PDS5A: variants seen among roughly 807,000 people sequenced by gnomAD.
The protein encoded by PDS5A is PDS5 cohesin associated factor A.
In PDS5A, 42 loss-of-function variants were observed where a neutral mutation model predicts 167.1. That is an observed-to-expected ratio of 0.25 (90% CI 0.20 to 0.33). The LOEUF (loss-of-function observed/expected upper bound fraction) is 0.33. Ranked by LOEUF, PDS5A falls within the 10% of genes least tolerant of loss-of-function variation. PDS5A has a pLI of 1.00. For missense variants in PDS5A, 1,033 were observed against 1,605.9 expected (o/e 0.64, Z 6.10); for synonymous variants, 553 against 554.6 (o/e 1.00, Z 0.04).
intron 17 of PDS5A, among the ~76,000 whole-genome samples, chr4:39,883,478 G>A (rs1413969652): frequency 6.6e-6 from 1 of 152,196 alleles, no homozygotes; most frequent in Non-Finnish European, 1.5e-5. Context: ...ACCACACCCA[G>A]CCTTCAGCTA....
chr4:39,898,640 C>T (rs1722623166), intron 15 of PDS5A, 112 bp from the exon 16 acceptor site: 11 of 931,888 alleles, frequency 1.2e-5, no homozygotes, highest in Non-Finnish European at 1.7e-5. Context: ...GAAAATCAGC[C>T]TAGCTGGTTC....
At chr4:39,901,254 T>C (rs1722854937) in intron 13 of PDS5A, among the ~76,000 whole-genome samples, 1 of 144,416 alleles carries the variant, frequency 6.9e-6, no homozygotes, top group Non-Finnish European at 1.5e-5. Flanking sequence ...ACAGTCTTTT[T>C]TTCTTTTCTT....
At chr4:39,871,598 C>T (rs1720034775) in intron 21 of PDS5A, among the ~76,000 whole-genome samples, 1 of 152,180 alleles carries the variant, frequency 6.6e-6, no homozygotes, top group Non-Finnish European at 1.5e-5. Context: ...TTGTGGCAAA[C>T]TAACACTTAA....
intron 32 of PDS5A, among the ~76,000 whole-genome samples, chr4:39,834,390 A>G (rs1706334856): frequency 6.6e-6 from 1 of 152,168 alleles, no homozygotes; most frequent in African/African-American, 2.4e-5. Flanking sequence ...TAGCAGAAAA[A>G]TGCCTGGGAA....
At chr4:39,917,395 A>G (rs1465995366) in intron 7 of PDS5A, among the ~76,000 whole-genome samples, 1 of 152,210 alleles carries the variant, frequency 6.6e-6, no homozygotes, top group Non-Finnish European at 1.5e-5. Context: ...ATATCAAATC[A>G]TGAATGTTAC....
intron 32 of PDS5A, among the ~76,000 whole-genome samples, chr4:39,827,066 T>A (rs1005878540): frequency 3.3e-5 from 5 of 151,754 alleles, no homozygotes; most frequent in African/African-American, 1.2e-4. Context: ...CTTGGCATGA[T>A]CTCGGCTCAC....
intron 2 of PDS5A, among the ~76,000 whole-genome samples, chr4:39,940,195 G>C (rs1727093556): frequency 6.6e-6 from 1 of 151,964 alleles, no homozygotes; most frequent in Non-Finnish European, 1.5e-5. Flanking sequence ...CTCCAGCCTG[G>C]ATGACAGAGC....
At chr4:39,850,301 A>G (rs182537081) in intron 26 of PDS5A, among the ~76,000 whole-genome samples, 1 of 150,854 alleles carries the variant, frequency 6.6e-6, no homozygotes, top group East Asian at 1.9e-4. Context: ...ATTCGAGACT[A>G]GCCTCGTGAG....
At chr4:39,972,280 G>A (rs1325092219) in intron 2 of PDS5A, among the ~76,000 whole-genome samples, 1 of 152,108 alleles carries the variant, frequency 6.6e-6, no homozygotes, top group African/African-American at 2.4e-5. Flanking sequence ...CCAGCACTTT[G>A]GGAGGCCGAG....
chr4:39,917,152 C>T lies in PDS5A; in HGVS notation c.772G>A (p.Val258Ile), dbSNP rs1724467550. Residue 258 changes from valine (V) to isoleucine (I), a missense_variant, in exon 8 of 33, where the codon GTA (valine) becomes ATA (isoleucine). This residue lies in a region of PDS5A where 388 missense variants were observed against 615.1 expected (regional missense o/e 0.63). Coordinates refer to ENST00000303538, the MANE Select transcript of PDS5A (RefSeq NM_001100399.2). ...NQVLVLGRSSVSDLSEHVFDL... is the reference protein window; with the variant it reads ...NQVLVLGRSSISDLSEHVFDL... ...AATACATGTTCTGACAAATCACTTA[C>T]TGATGATCTTCCCAGCACCAGGACT... The T allele has an allele frequency of 4.5e-6, 7 of 1,565,266 alleles. No homozygotes were observed. The East Asian group carries it at 7.2e-5, about 16-fold the overall frequency.
chr4:39,922,755 A>T lies in PDS5A; in HGVS notation c.528-7T>A. On this transcript the variant is annotated splice_polypyrimidine_tract_variant and splice_region_variant and intron_variant, in intron 5 of 32. Coordinates refer to ENST00000303538, the MANE Select transcript of PDS5A (RefSeq NM_001100399.2). ...CTTCTTATTGTGGCTATTGCTATAAAAAAAAAAAAAAAAGAATAAGTAGTA... is the reference window on the plus strand; with the variant it reads ...CTTCTTATTGTGGCTATTGCTATAATAAAAAAAAAAAAAGAATAAGTAGTA... 6.6e-6 allele frequency: 9 copies of T among 1,355,826 alleles called. No individual in the cohort carries two copies. The highest frequency in any genetic ancestry group is 4.8e-5 in the South Asian group (3 of 62,018). 84.0% of individuals were successfully genotyped at this position (1,355,826 alleles called of 1,614,324 possible). A position where few individuals can be genotyped will look rare whatever the true frequency, so the allele number is the denominator to read the frequency against.
intron 5 of PDS5A, among the ~76,000 whole-genome samples, chr4:39,923,627 C>A (rs1476204921): frequency 1.8e-5 from 1 of 55,812 alleles, no homozygotes; most frequent in East Asian, 6.1e-4. Flanking sequence ...CAGACCAAGA[C>A]CCTGTCTCAA....
In PDS5A at chr4:39,874,409, G is replaced by A. The variant is rs1374791504; in HGVS notation, c.2157C>T (p.Thr719=). 1 of 1,610,760 alleles carries A rather than the reference G, an allele frequency of 6.2e-7. No individual in the cohort carries two copies. Among genetic ancestry groups the A allele is most frequent in the Non-Finnish European group, 8.5e-7 (1 of 1,178,242 alleles). The change falls in exon 20 of 33, where the codon ACC becomes ACT. Residue 719 remains threonine (T), a synonymous_variant. Coordinates refer to ENST00000303538, the MANE Select transcript of PDS5A (RefSeq NM_001100399.2). ...IETDLPQIRS[T]LIPILHQKAK... ...CTTTTTGATGTAAAATGGGAATTAA[G>A]GTCCTGCAAAAAATAATATAGTTGT...
At chr4:39,975,079 C>A (rs528863530) in intron 2 of PDS5A, among the ~76,000 whole-genome samples, 1 of 143,324 alleles carries the variant, frequency 7.0e-6, no homozygotes, top group African/African-American at 2.6e-5. Flanking sequence ...TGCACTCCAG[C>A]CTAGGTGACA....
At position 39,968,430 on chromosome 4, in the gene PDS5A, T is replaced by C. The variant is rs1316980702; in HGVS notation, c.138+8010A>G. Among the ~76,000 whole-genome samples the C allele has an allele frequency of 2.0e-5, 3 of 150,290 alleles. No individual in the cohort carries two copies. In the East Asian group the frequency reaches 5.8e-4, roughly 29 times the overall value. ...GTGCTTAGATTACTTAATTATAATA[T>C]TAATTTTTTTTTTTTTTTTGAGACA... On this transcript the variant is annotated intron_variant, in intron 2 of 32. Transcript: ENST00000303538.
At chr4:39,962,367 T>C (rs1457842466) in intron 2 of PDS5A, among the ~76,000 whole-genome samples, 1 of 152,106 alleles carries the variant, frequency 6.6e-6, no homozygotes. Context: ...CTTCCTGAGT[T>C]TTTAAGGAAA....
chr4:39,848,803 A>G (rs762707519), intron 28 of PDS5A, 48 bp downstream of exon 28: 11 of 1,494,442 alleles, frequency 7.4e-6, no homozygotes, highest in South Asian at 1.2e-5. Context: ...GGTAATTGAC[A>G]TTGAAATCAG....
chr4:39,939,204 C>T (rs920433588), intron 2 of PDS5A, among the ~76,000 whole-genome samples: 3 of 151,978 alleles, frequency 2.0e-5, no homozygotes, highest in Non-Finnish European at 4.4e-5. Context: ...GTGGCTCATG[C>T]CCGTAATCAC....
rs150218053 is a variant in PDS5A, at chr4:39,897,269, C to T, written c.1770+1120G>A. 1.5e-3 allele frequency among the ~76,000 whole-genome samples: 235 copies of T among 152,216 alleles called. 2 individuals carry two copies. The highest frequency in any genetic ancestry group is 5.3e-3 in the African/African-American group (220 of 41,524). On this transcript the variant is annotated intron_variant, in intron 16 of 32. Transcript: ENST00000303538. ...AATTAGCCAGATGTGATGGCTCATGCCTGTAATCTCAGCTACTCGGAAGGC... is the reference window on the plus strand; with the variant it reads ...AATTAGCCAGATGTGATGGCTCATGTCTGTAATCTCAGCTACTCGGAAGGC...
Sources: allele counts gnomAD v4.1 joint callset (sites outside exome capture counted in the v4.1 genomes callset), GRCh38; gene constraint gnomAD v4.1.1; regional missense constraint gnomAD v4.1.1; transcripts MANE v1.5; gene names NCBI Gene and HGNC (gene_info 2026-07-23, HGNC 2026-07-21).